RPRD1B: variants seen among roughly 807,000 people sequenced by gnomAD.
RPRD1B encodes regulation of nuclear pre-mRNA domain containing 1B.
RPRD1B carries 11 observed loss-of-function variants against 41.5 expected under a neutral mutation model. That is an observed-to-expected ratio of 0.27 (90% CI 0.17 to 0.44). RPRD1B has a LOEUF of 0.44. Among genes scored for constraint, RPRD1B ranks in the 20% least tolerant of loss-of-function variants. The probability of loss-of-function intolerance (pLI) is 1.00; values close to 1 mark genes in which losing one functional copy is unlikely to be tolerated. For missense variants in RPRD1B, 248 were observed against 389.9 expected, an observed-to-expected ratio of 0.64 and a Z score of 3.06; for synonymous variants, 158 against 155.6, an observed-to-expected ratio of 1.02 and a Z score of -0.12.
intron 3 of RPRD1B, 24 bp downstream of exon 3, chr20:38,048,505 C>T (rs1248318187): frequency 6.3e-7 from 1 of 1,583,334 alleles, no homozygotes; most frequent in Middle Eastern, 1.7e-4. Flanking sequence ...CACATGTTTA[C>T]AGCTCTTGGT....
In RPRD1B at chr20:38,091,195, G is replaced by A; in HGVS notation, c.*1320G>A. On this transcript the variant is annotated 3_prime_UTR_variant, in exon 7 of 7. Coordinates refer to ENST00000373433, the MANE Select transcript of RPRD1B (RefSeq NM_021215.4). ...CCCCAGTAGTGTAATAGGAGTTATA[G>A]ACCAGAGGCTGAAACCCAAACTATA... The A allele has an allele frequency of 1.0e-6, 1 of 985,846 alleles. No individual in the cohort carries two copies. The highest frequency in any genetic ancestry group is 1.2e-6 in the Non-Finnish European group (1 of 829,930). The allele number at this position is 985,846 out of a possible 1,614,324, so 61.1% of individuals were successfully genotyped here. A position where few individuals can be genotyped will look rare whatever the true frequency, so the allele number is the denominator to read the frequency against.
At chr20:38,071,276 C>T (rs763174150) in intron 6 of RPRD1B, among the ~76,000 whole-genome samples, 3 of 152,232 alleles carry the variant, frequency 2.0e-5, no homozygotes, top group Non-Finnish European at 4.4e-5. Flanking sequence ...GCATTTAGTA[C>T]GTTCACAGTA....
chr20:38,077,564 G>T (rs1282754993), intron 6 of RPRD1B, among the ~76,000 whole-genome samples: 1 of 151,958 alleles, frequency 6.6e-6, no homozygotes, highest in Admixed American at 6.5e-5. Context: ...CCTCTGCCAG[G>T]TTGACCTCCC....
In RPRD1B at chr20:38,055,840, T is replaced by G. The variant is rs1339009086; in HGVS notation, c.416-1692T>G. Among the ~76,000 whole-genome samples, 4 of 152,170 alleles carry G rather than the reference T, an allele frequency of 2.6e-5. No homozygotes were observed. The East Asian group carries it at 7.7e-4, about 29-fold the overall frequency. Reference sequence around the variant, plus strand: ...TTCAGTGACCAATCACTGATTGACTTCAAGAATGATGTGATTGGTCCCTGA... The same window carrying G: ...TTCAGTGACCAATCACTGATTGACTGCAAGAATGATGTGATTGGTCCCTGA... On this transcript the variant is annotated intron_variant, in intron 3 of 6. Coordinates refer to ENST00000373433, the MANE Select transcript of RPRD1B (RefSeq NM_021215.4).
chr20:38,078,569 C>G (rs2074486066), intron 6 of RPRD1B, among the ~76,000 whole-genome samples: 1 of 151,816 alleles, frequency 6.6e-6, no homozygotes, highest in South Asian at 2.1e-4. Flanking sequence ...CCATAAAGTT[C>G]TGTCTGTATT....
At position 38,040,468 on chromosome 20, in the gene RPRD1B, T is replaced by G. The variant is rs755956292; in HGVS notation, c.185T>G (p.Leu62Ter). ...AATAGAAAGCTTACTTTTCTGTATT[T>G]AGCGAATGATGTCATCCAAAACAGT... ...KSNRKLTFLY[L>*]ANDVIQNSKR... Residue 62 changes from leucine to a stop codon, truncating the protein, a stop_gained, in exon 2 of 7, where the codon TTA becomes TGA. Transcript: ENST00000373433. LOFTEE classifies it high-confidence loss of function. 6.2e-7 allele frequency: 1 copy of G among 1,606,766 alleles called. No homozygotes were observed. Among genetic ancestry groups the G allele is most frequent in the East Asian group, 2.2e-5 (1 of 44,608 alleles).
chr20:38,042,199 T>A (rs971142698), intron 2 of RPRD1B, among the ~76,000 whole-genome samples: 4 of 152,084 alleles, frequency 2.6e-5, no homozygotes, highest in Non-Finnish European at 5.9e-5. Flanking sequence ...AAAAATTTTT[T>A]AAAAATTAGC....
At chr20:38,052,774 T>G (rs1050255004) in intron 3 of RPRD1B, among the ~76,000 whole-genome samples, 4 of 149,622 alleles carry the variant, frequency 2.7e-5, no homozygotes, top group African/African-American at 9.8e-5. Context: ...TTTTTTTTTT[T>G]TTTTTTAAAT....
chr20:38,065,982 A>G (rs1315045377), intron 5 of RPRD1B, 99 bp from the exon 6 acceptor site: 1 of 1,170,648 alleles, frequency 8.5e-7, no homozygotes, highest in South Asian at 1.4e-5. Flanking sequence ...CAGACTCTGT[A>G]TATTGGGAGA....
At chr20:38,060,385 T>C (rs1399856591) in intron 5 of RPRD1B, among the ~76,000 whole-genome samples, 1 of 152,206 alleles carries the variant, frequency 6.6e-6, no homozygotes, top group Non-Finnish European at 1.5e-5. Flanking sequence ...CTAAAGGAAA[T>C]CAAGGTCACT....
chr20:38,059,542 G>A, intron 5 of RPRD1B, 22 bp downstream of exon 5: 1 of 1,612,168 alleles, frequency 6.2e-7, no homozygotes, highest in Middle Eastern at 1.7e-4. Context: ...GAGTTTGGGT[G>A]AAAGGTGAGG....
chr20:38,066,487 C>T lies in RPRD1B; in HGVS notation c.831+231C>T, dbSNP rs377135696. The stretch of plus-strand genomic sequence containing the variant: ...TGGATTGTAGGAAACAAACAGTGAA[C>T]TCTTAATCACAGCCTTAGGATCTTA... On this transcript the variant is annotated intron_variant, in intron 6 of 6. Coordinates refer to ENST00000373433, the MANE Select transcript of RPRD1B (RefSeq NM_021215.4). 1.2e-4 allele frequency among the ~76,000 whole-genome samples: 18 copies of T among 152,278 alleles called. No homozygotes were observed. The East Asian group carries it at 2.5e-3, about 21-fold the overall frequency.
At chr20:38,064,483 C>T (rs2074332795) in intron 5 of RPRD1B, among the ~76,000 whole-genome samples, 1 of 152,154 alleles carries the variant, frequency 6.6e-6, no homozygotes. Flanking sequence ...TCTCTGGTGC[C>T]CTTTGTTTCA....
At chr20:38,060,708 G>A (rs984674222) in intron 5 of RPRD1B, among the ~76,000 whole-genome samples, 1 of 152,110 alleles carries the variant, frequency 6.6e-6, no homozygotes, top group Non-Finnish European at 1.5e-5. Flanking sequence ...TGTGAGTCAC[G>A]CAAGAAGCAT....
At chr20:38,049,570 A>G (rs935768489) in intron 3 of RPRD1B, among the ~76,000 whole-genome samples, 2 of 151,194 alleles carry the variant, frequency 1.3e-5, no homozygotes, top group African/African-American at 4.9e-5. Context: ...GGGTTTCACC[A>G]TCTTGGCCAG....
chr20:38,038,370 C>T (rs372997998), intron 1 of RPRD1B, among the ~76,000 whole-genome samples: 2 of 147,930 alleles, frequency 1.4e-5, no homozygotes, highest in African/African-American at 2.5e-5. Context: ...GTGCAGTTGG[C>T]GCGATCTCGG....
intron 6 of RPRD1B, among the ~76,000 whole-genome samples, chr20:38,088,484 T>C (rs1311594312): frequency 6.6e-6 from 1 of 152,196 alleles, no homozygotes; most frequent in African/African-American, 2.4e-5. Context: ...TCTTGTTACA[T>C]TCCTGCAGGA....
intron 6 of RPRD1B, chr20:38,070,211 G>A: frequency 3.0e-6 from 3 of 984,972 alleles, no homozygotes; most frequent in Non-Finnish European, 3.6e-6. Context: ...GTTTGTTTTT[G>A]ACTTTTGCTT....
intron 6 of RPRD1B, among the ~76,000 whole-genome samples, chr20:38,074,992 T>C (rs112628985): frequency 1.7e-3 from 262 of 152,364 alleles, no homozygotes; most frequent in African/African-American, 6.0e-3. Flanking sequence ...ACATTGTAAA[T>C]GATTGCTTGA....
Sources: gnomAD v4.1 joint callset for allele counts (sites outside exome capture counted in the v4.1 genomes callset) on GRCh38, gnomAD v4.1.1 for gene constraint, MANE v1.5 for transcripts, NCBI Gene and HGNC (gene_info 2026-07-23, HGNC 2026-07-21) for gene names.